Variants in RASSF9 observed in about 807,000 individuals in gnomAD.
The protein encoded by RASSF9 is ras association domain-containing protein 9.
In RASSF9, 18 loss-of-function variants were observed where a neutral mutation model predicts 21.4. The ratio of observed to expected loss-of-function variants is 0.84; its 90% CI spans 0.58 to 1.25. The LOEUF is 1.25. Ranked by LOEUF, RASSF9 falls within the 50% of genes most tolerant of loss-of-function variation. The pLI, the probability that RASSF9 is intolerant of heterozygous loss-of-function variation, is 0.00. For synonymous variants in RASSF9, 183 were observed against 179.1 expected (o/e 1.02, Z -0.18); for missense variants, 480 against 503.2 (o/e 0.95, Z 0.44).
intron 1 of RASSF9, among the ~76,000 whole-genome samples, chr12:85,808,146 T>C (rs1388051510): frequency 6.6e-6 from 1 of 151,536 alleles, no homozygotes; most frequent in Non-Finnish European, 1.5e-5. Context: ...TAATTCTATG[T>C]TGCTATCTTT....
Position 85,803,277 on chromosome 12 carries a change from T to C in RASSF9, c.*1425A>G, listed in dbSNP as rs1027984803. ...AATAAAAGAGAAGAAATGAGAAGGA[T>C]TGGGACCCTTAACCAATGTCCACAT... On this transcript the variant is annotated 3_prime_UTR_variant, in exon 2 of 2. Transcript: ENST00000361228. 9 of 152,084 alleles carry C rather than the reference T, an allele frequency of 5.9e-5. No individual in the cohort carries two copies. The highest frequency in any genetic ancestry group is 2.1e-4 in the South Asian group (1 of 4,824). 9.4% of individuals were successfully genotyped at this position (152,084 alleles called of 1,614,324 possible). A position where few individuals can be genotyped will look rare whatever the true frequency, so the allele number is the denominator to read the frequency against.
At chr12:85,811,752 A>G (rs1879958995) in intron 1 of RASSF9, among the ~76,000 whole-genome samples, 1 of 151,614 alleles carries the variant, frequency 6.6e-6, no homozygotes, top group African/African-American at 2.4e-5. Context: ...TTATATGGTC[A>G]GAAAGATTTG....
intron 1 of RASSF9, among the ~76,000 whole-genome samples, chr12:85,814,992 T>C (rs1029934928): frequency 1.3e-5 from 2 of 152,056 alleles, no homozygotes; most frequent in Non-Finnish European, 2.9e-5. Flanking sequence ...TGCAATTCTC[T>C]TATATGCCCT....
chr12:85,814,000 G>A (rs150977437), intron 1 of RASSF9, among the ~76,000 whole-genome samples: 49 of 152,032 alleles, frequency 3.2e-4, no homozygotes, highest in African/African-American at 1.0e-3. Context: ...TGCTTTTATT[G>A]CTTGAGTCTC....
In RASSF9 at chr12:85,822,658, A is replaced by T. The variant is rs138756459; in HGVS notation, c.47+13497T>A. ...TTTATTTTTCTTCCCTAGGTTTTAAACTCTTTAATATGCTTTGAATTTTAC... is the reference window on the plus strand; with the variant it reads ...TTTATTTTTCTTCCCTAGGTTTTAATCTCTTTAATATGCTTTGAATTTTAC... On this transcript the variant is annotated intron_variant, in intron 1 of 1. Coordinates refer to ENST00000361228, the MANE Select transcript of RASSF9 (RefSeq NM_005447.4). 2.3e-3 allele frequency among the ~76,000 whole-genome samples: 342 copies of T among 151,974 alleles called. 2 individuals are homozygous for T. The highest frequency in any genetic ancestry group is 7.6e-3 in the African/African-American group (316 of 41,436).
Position 85,805,056 on chromosome 12 carries a change from A to G in RASSF9, c.954T>C (p.Val318=), listed in dbSNP as rs1362590909. The change falls in exon 2 of 2, where the codon GTT becomes GTC. Residue 318 remains valine (V), a synonymous_variant. Transcript: ENST00000361228. ...TCATGCTTTTCTCCAAATCACACTT[A>G]ACACTCTCTAAATTAGAGCTTTCCA... is the stretch of plus-strand genomic sequence containing the variant. ...SELESSNLES[V]KCDLEKSMKA... 1 of 1,613,876 alleles carries G rather than the reference A, an allele frequency of 6.2e-7. No individual in the cohort carries two copies. Among genetic ancestry groups the G allele is most frequent in the Non-Finnish European group, 8.5e-7 (1 of 1,179,900 alleles).
chr12:85,831,732 C>A (rs1358524603), intron 1 of RASSF9, among the ~76,000 whole-genome samples: 1 of 151,914 alleles, frequency 6.6e-6, no homozygotes. Context: ...TCCCACTCTG[C>A]AGAATTCACA....
chr12:85,805,111 T>C lies in RASSF9; in HGVS notation c.899A>G (p.Glu300Gly). Reference protein sequence around the residue: ...EVKSVCIDINEDAEGEAASEL... With the variant: ...EVKSVCIDINGDAEGEAASEL... Reference sequence around the variant, plus strand: ...ACTTGCAGCTTCCCCTTCCGCATCTTCATTTATATCAATGCAAACACTTTT... The same window carrying C: ...ACTTGCAGCTTCCCCTTCCGCATCTCCATTTATATCAATGCAAACACTTTT... The change falls in exon 2 of 2, where the codon GAA becomes GGA. Residue 300 changes from glutamate (E) to glycine (G), a missense_variant. Glu to Gly is a moderately conservative substitution (Grantham distance 98). Transcript: ENST00000361228. The C allele has an allele frequency of 6.2e-7, 1 of 1,613,988 alleles. No homozygotes were observed. Among genetic ancestry groups the C allele is most frequent in the South Asian group, 1.1e-5 (1 of 91,080 alleles).
chr12:85,801,252 T>TA lies in RASSF9; in HGVS notation c.*3449dup, dbSNP rs1290460662. On this transcript the variant is annotated 3_prime_UTR_variant, in exon 2 of 2. Coordinates refer to ENST00000361228, the MANE Select transcript of RASSF9 (RefSeq NM_005447.4). ...TAAAAATAAACATTGATGCCACATT[T>TA]AAAAAAATCGTAGTAGCATGAAGAT... 3 of 152,264 alleles carry TA rather than the reference T, an allele frequency of 2.0e-5. No individual in the cohort carries two copies. Among genetic ancestry groups the TA allele is most frequent in the South Asian group, 4.1e-4 (2 of 4,832 alleles). The allele number at this position is 152,264 out of a possible 1,614,324, so 9.4% of individuals were successfully genotyped here.
chr12:85,806,745 A>C (rs1052754919), intron 1 of RASSF9, among the ~76,000 whole-genome samples: 3 of 151,522 alleles, frequency 2.0e-5, no homozygotes, highest in Non-Finnish European at 2.9e-5. Flanking sequence ...CCATGGAAAG[A>C]ATCTTAATTA....
intron 1 of RASSF9, among the ~76,000 whole-genome samples, chr12:85,822,147 G>A (rs538479316): frequency 1.3e-5 from 2 of 152,124 alleles, no homozygotes; most frequent in Non-Finnish European, 1.5e-5. Flanking sequence ...TCAGCTATTA[G>A]TAAGAGATTT....
At chr12:85,814,723 C>T (rs1332093918) in intron 1 of RASSF9, among the ~76,000 whole-genome samples, 1 of 151,744 alleles carries the variant, frequency 6.6e-6, no homozygotes, top group Non-Finnish European at 1.5e-5. Flanking sequence ...TTAATTCTAC[C>T]CAACTGGGCC....
chr12:85,823,288 C>G (rs1565755994), intron 1 of RASSF9, among the ~76,000 whole-genome samples: 1 of 152,080 alleles, frequency 6.6e-6, no homozygotes, highest in Non-Finnish European at 1.5e-5. Flanking sequence ...TCTTAACTGC[C>G]ACACCCAATA....
intron 1 of RASSF9, among the ~76,000 whole-genome samples, chr12:85,834,144 C>A (rs1385740423): frequency 1.3e-5 from 2 of 151,930 alleles, no homozygotes; most frequent in Non-Finnish European, 2.9e-5. Context: ...ACTTGAAATA[C>A]CCATATTTTT....
intron 1 of RASSF9, among the ~76,000 whole-genome samples, chr12:85,829,938 G>A (rs950102763): frequency 3.9e-5 from 6 of 152,214 alleles, no homozygotes; most frequent in Admixed American, 2.6e-4. Flanking sequence ...CTATAATAAT[G>A]TTTTCTCAAT....
intron 1 of RASSF9, among the ~76,000 whole-genome samples, chr12:85,822,028 C>T (rs1332670795): frequency 1.3e-5 from 2 of 151,958 alleles, no homozygotes; most frequent in African/African-American, 2.4e-5. Context: ...CTAAAGTGCC[C>T]TTACTGATTG....
At chr12:85,835,600 C>T (rs907228034) in intron 1 of RASSF9, among the ~76,000 whole-genome samples, 8 of 151,380 alleles carry the variant, frequency 5.3e-5, no homozygotes, top group African/African-American at 1.2e-4. Flanking sequence ...CAAAGTTTCT[C>T]TCCAGAGTGT....
At chr12:85,813,112 A>T (rs903443881) in intron 1 of RASSF9, among the ~76,000 whole-genome samples, 1 of 151,876 alleles carries the variant, frequency 6.6e-6, no homozygotes, top group African/African-American at 2.4e-5. Context: ...CACCAGTTTA[A>T]TTATTCAGGT....
chr12:85,831,927 C>G lies in RASSF9; in HGVS notation c.47+4228G>C, dbSNP rs144021844. Among the ~76,000 whole-genome samples the G allele has an allele frequency of 7.6e-3, 1,151 of 151,904 alleles. 11 individuals are homozygous for G. Among genetic ancestry groups the G allele is most frequent in the Non-Finnish European group, 0.011 (744 of 67,790 alleles). On this transcript the variant is annotated intron_variant, in intron 1 of 1. Coordinates refer to ENST00000361228, the MANE Select transcript of RASSF9 (RefSeq NM_005447.4). ...ATGTTCTAATTGATGCAAAAGCAAC[C>G]TGGAATGCAAATTTTATGTATCAAT...
Sources: allele counts gnomAD v4.1 joint callset (sites outside exome capture counted in the v4.1 genomes callset), GRCh38; gene constraint gnomAD v4.1.1; transcripts MANE v1.5; gene names NCBI Gene and HGNC (gene_info 2026-07-23, HGNC 2026-07-21).